Variants in RS1 observed in about 807,000 individuals in gnomAD.
RS1 encodes retinoschisin.
Under a neutral mutation model 20.8 loss-of-function variants are expected in RS1, and 2 were observed. That is an observed-to-expected ratio of 0.10 (90% CI 0.04 to 0.30). The LOEUF (loss-of-function observed/expected upper bound fraction) is 0.30. Ranked by LOEUF, RS1 falls within the 10% of genes least tolerant of loss-of-function variation. RS1 has a pLI of 1.00. For synonymous variants in RS1, 70 were observed against 75.8 expected (o/e 0.92, Z 0.40); for missense variants, 151 against 189.8 (o/e 0.80, Z 1.20).
At chrX:18,646,162 T>C (rs1927765927) in intron 4 of RS1, 1 of 1,192,759 alleles carries the variant, frequency 8.4e-7, no homozygotes, top group Non-Finnish European at 1.1e-6. Context: ...CTTTTTTTTT[T>C]CCTTTCTGAG....
chrX:18,649,925 C>G (rs1602315072), intron 3 of RS1: 1 of 167,191 alleles, frequency 6.0e-6, no homozygotes, highest in Non-Finnish European at 1.1e-5. Flanking sequence ...CTCTGAGGCC[C>G]CTCCACTTTG....
chrX:18,667,572 G>C (rs1928425894), intron 1 of RS1, among the ~76,000 whole-genome samples: 1 of 108,179 alleles, frequency 9.2e-6, no homozygotes, highest in Non-Finnish European at 1.9e-5. Context: ...AACAGTGCCA[G>C]ATCCTCTTTT....
intron 1 of RS1, among the ~76,000 whole-genome samples, chrX:18,661,558 G>A (rs917535933): frequency 1.8e-5 from 2 of 111,667 alleles, no homozygotes; most frequent in East Asian, 2.8e-4. Context: ...TTGGGGTATC[G>A]GAAGAATCAG....
chrX:18,657,217 CTTTTTTT>C (rs749358875), intron 2 of RS1, among the ~76,000 whole-genome samples: 1 of 65,138 alleles, frequency 1.5e-5, no homozygotes, highest in Non-Finnish European at 2.7e-5. Flanking sequence ...AAAAAAAATA[CTTTTTTT>C]TTTTTTTTTT....
intron 4 of RS1, 36 bp from the exon 5 acceptor site, chrX:18,644,661 C>T (rs1927709368): frequency 8.4e-7 from 1 of 1,186,300 alleles, no homozygotes; most frequent in East Asian, 3.0e-5. Flanking sequence ...AGAGACTCCC[C>T]CTGTGCATGT....
intron 1 of RS1, among the ~76,000 whole-genome samples, chrX:18,671,655 A>G (rs191537536): frequency 8.9e-6 from 1 of 112,134 alleles, no homozygotes; most frequent in East Asian, 2.8e-4. Flanking sequence ...CACCGTCAAT[A>G]GCATTCCGGT....
chrX:18,646,347 T>G (rs1927772414), intron 4 of RS1, among the ~76,000 whole-genome samples: 1 of 111,345 alleles, frequency 9.0e-6, no homozygotes, highest in South Asian at 3.7e-4. Flanking sequence ...AGAGATGAGG[T>G]TTCACCATGT....
chrX:18,648,058 T>C (rs1042815352), intron 3 of RS1, among the ~76,000 whole-genome samples: 2 of 110,789 alleles, frequency 1.8e-5, no homozygotes, highest in Non-Finnish European at 3.8e-5. Context: ...GTGTTGAGGC[T>C]GGGCACGGTG....
intron 1 of RS1, among the ~76,000 whole-genome samples, chrX:18,666,262 A>G (rs1928403116): frequency 8.9e-6 from 1 of 112,062 alleles, no homozygotes; most frequent in African/African-American, 3.2e-5. Flanking sequence ...ACAAGGAAGT[A>G]GGGAACAGGG....
chrX:18,644,009 A>T (rs1927676739), intron 5 of RS1, among the ~76,000 whole-genome samples: 1 of 111,007 alleles, frequency 9.0e-6, no homozygotes, highest in Non-Finnish European at 1.9e-5. Context: ...CTAGGTTCTC[A>T]AAAGGCTCCC....
intron 4 of RS1, 21 bp from the exon 5 acceptor site, chrX:18,644,646 C>T: frequency 1.7e-6 from 2 of 1,198,136 alleles, no homozygotes; most frequent in Non-Finnish European, 2.3e-6. Context: ...CATACCGAGT[C>T]ACCGAGAGAC....
intron 3 of RS1, among the ~76,000 whole-genome samples, chrX:18,649,453 G>GCCCTGTC (rs1215889821): frequency 1.8e-5 from 2 of 111,756 alleles, no homozygotes; most frequent in African/African-American, 6.5e-5. Flanking sequence ...AATGAAACAT[G>GCCCTGTC]CTTGCAGAGA....
chrX:18,655,986 C>CTT (rs56213978), intron 3 of RS1, among the ~76,000 whole-genome samples: 636 of 50,713 alleles, frequency 0.013, 9 homozygotes, highest in Middle Eastern at 0.033. Context: ...TTTTCTTTTC[C>CTT]TTTTTTTTTT....
intron 1 of RS1, among the ~76,000 whole-genome samples, chrX:18,658,084 C>T (rs1465491335): frequency 2.7e-5 from 3 of 111,378 alleles, no homozygotes; most frequent in East Asian, 2.9e-4. Flanking sequence ...GCAGGAGAAT[C>T]GTTTGAACCT....
At position 18,653,724 on chromosome X, in the gene RS1, T is replaced by A. The variant is rs750488522; in HGVS notation, c.184+2929A>T. The A allele has an allele frequency of 9.9e-5, 60 of 604,605 alleles. No homozygotes were observed. The African/African-American group carries it at 1.3e-3, about 13-fold the overall frequency. 49.8% of individuals were successfully genotyped at this position (604,605 alleles called of 1,213,427 possible). On this transcript the variant is annotated intron_variant, in intron 3 of 5. Coordinates refer to ENST00000379984, the MANE Select transcript of RS1 (RefSeq NM_000330.4). The stretch of plus-strand genomic sequence containing the variant: ...TGGCTCACGCCTGTAATCCCAGCAC[T>A]TTGGGAGGCCGAGCAGGTGCATTGC...
At position 18,644,201 on chromosome X, in the gene RS1, A is replaced by G. The variant is rs147982440; in HGVS notation, c.522+229T>C. 5.0e-3 allele frequency among the ~76,000 whole-genome samples: 566 copies of G among 112,272 alleles called. 4 individuals carry two copies. The highest frequency in any genetic ancestry group is 7.5e-3 in the Non-Finnish European group (400 of 53,241). ...ACTGCATGCTGATATGGAAACTCAG[A>G]CAAATTTTTTTTTTGAGCTTAAGAA... On this transcript the variant is annotated intron_variant, in intron 5 of 5. Transcript: ENST00000379984.
intron 4 of RS1, among the ~76,000 whole-genome samples, chrX:18,646,342 T>A (rs756349377): frequency 9.0e-6 from 1 of 111,432 alleles, no homozygotes; most frequent in African/African-American, 3.3e-5. Context: ...TTAGTAGAGA[T>A]GAGGTTTCAC....
intron 3 of RS1, among the ~76,000 whole-genome samples, chrX:18,654,316 C>A (rs991159139): frequency 9.1e-6 from 1 of 110,417 alleles, no homozygotes; most frequent in Middle Eastern, 4.3e-3. Flanking sequence ...CACCGTGCCC[C>A]CCCCATCTAG....
chrX:18,668,467 A>G (rs1569235068), intron 1 of RS1, among the ~76,000 whole-genome samples: 1 of 113,053 alleles, frequency 8.8e-6, no homozygotes, highest in Non-Finnish European at 1.9e-5. Flanking sequence ...CTTCCCATGG[A>G]AACAGATGAA....
Sources: gnomAD v4.1 joint callset for allele counts (sites outside exome capture counted in the v4.1 genomes callset) on GRCh38, gnomAD v4.1.1 for gene constraint, MANE v1.5 for transcripts, NCBI Gene and HGNC (gene_info 2026-07-23, HGNC 2026-07-21) for gene names.